Variants in IL1RAPL1 observed in about 807,000 individuals in gnomAD.
The protein encoded by IL1RAPL1 is interleukin-1 receptor accessory protein-like 1.
Under a neutral mutation model 48.4 loss-of-function variants are expected in IL1RAPL1, and 3 were observed. That is an observed-to-expected ratio of 0.06 (90% CI 0.03 to 0.16). The LOEUF (loss-of-function observed/expected upper bound fraction) is 0.16. Ranked by LOEUF, IL1RAPL1 falls within the 10% of genes least tolerant of loss-of-function variation. The pLI, the probability that IL1RAPL1 is intolerant of heterozygous loss-of-function variation, is 1.00. For synonymous variants in IL1RAPL1, 185 were observed against 187.7 expected (o/e 0.99, Z 0.12); for missense variants, 349 against 530.6 (o/e 0.66, Z 3.36).
intron 5 of IL1RAPL1, among the ~76,000 whole-genome samples, chrX:29,610,180 A>T (rs763952585): frequency 3.6e-5 from 4 of 111,814 alleles, no homozygotes; most frequent in Non-Finnish European, 7.5e-5. Context: ...CTTTATATTA[A>T]ATCATATGAC....
At chrX:29,549,928 A>G (rs1279709509) in intron 5 of IL1RAPL1, among the ~76,000 whole-genome samples, 10 of 112,097 alleles carry the variant, frequency 8.9e-5, no homozygotes, top group Admixed American at 2.8e-4. Context: ...AAGAATTATT[A>G]TATACAGAAG....
chrX:29,686,338 G>A (rs1926615520), intron 6 of IL1RAPL1, among the ~76,000 whole-genome samples: 1 of 110,230 alleles, frequency 9.1e-6, no homozygotes, highest in South Asian at 3.9e-4. Context: ...AAATAAAGAA[G>A]TATCATGATA....
intron 5 of IL1RAPL1, among the ~76,000 whole-genome samples, chrX:29,615,533 C>G (rs1203522536): frequency 9.0e-6 from 1 of 110,945 alleles, no homozygotes; most frequent in Non-Finnish European, 1.9e-5. Flanking sequence ...ACCACTGCAG[C>G]AAAGGCTTTC....
At chrX:29,294,215 A>G (rs747665483) in intron 3 of IL1RAPL1, among the ~76,000 whole-genome samples, 1 of 111,108 alleles carries the variant, frequency 9.0e-6, no homozygotes, top group East Asian at 2.8e-4. Flanking sequence ...AGACTACTAC[A>G]AGAAAAATTA....
chrX:28,804,892 A>G (rs1014228316), intron 2 of IL1RAPL1, among the ~76,000 whole-genome samples: 3 of 111,535 alleles, frequency 2.7e-5, no homozygotes, highest in African/African-American at 9.8e-5. Context: ...TATGGATGGA[A>G]TACATCTATA....
intron 3 of IL1RAPL1, among the ~76,000 whole-genome samples, chrX:29,322,265 C>T (rs762188979): frequency 1.2e-4 from 13 of 107,504 alleles, no homozygotes; most frequent in African/African-American, 4.1e-4. Flanking sequence ...CTCTCTCTCT[C>T]TCTTTCTTTC....
intron 6 of IL1RAPL1, among the ~76,000 whole-genome samples, chrX:29,872,993 A>G (rs1458359549): frequency 1.8e-5 from 2 of 112,258 alleles, no homozygotes; most frequent in Non-Finnish European, 3.8e-5. Context: ...AGATAACAAC[A>G]AAGCCCTTTG....
chrX:29,511,668 A>G (rs1254361533), intron 5 of IL1RAPL1, among the ~76,000 whole-genome samples: 2 of 111,718 alleles, frequency 1.8e-5, no homozygotes, highest in Non-Finnish European at 3.8e-5. Flanking sequence ...TCTCCCCATC[A>G]AGTCCTTTTT....
chrX:29,907,127 G>A (rs1022631497), intron 6 of IL1RAPL1, among the ~76,000 whole-genome samples: 1 of 111,217 alleles, frequency 9.0e-6, no homozygotes, highest in Non-Finnish European at 1.9e-5. Context: ...TTATTTTCAA[G>A]TTGAATATCT....
At chrX:29,460,173 T>G (rs940668372) in intron 5 of IL1RAPL1, among the ~76,000 whole-genome samples, 5 of 112,073 alleles carry the variant, frequency 4.5e-5, no homozygotes, top group Non-Finnish European at 9.4e-5. Context: ...TTTTCCTAAG[T>G]CGTTACCTAG....
chrX:29,615,140 A>T (rs142085689), intron 5 of IL1RAPL1, among the ~76,000 whole-genome samples: 2,120 of 111,845 alleles, frequency 0.019, 43 homozygotes, highest in African/African-American at 0.065. Context: ...GATGCAAAAT[A>T]TAGGTGTATA....
intron 2 of IL1RAPL1, among the ~76,000 whole-genome samples, chrX:29,258,996 C>G (rs1458699652): frequency 9.0e-5 from 10 of 111,138 alleles, no homozygotes; most frequent in African/African-American, 3.3e-4. Flanking sequence ...TCTCCCCTCC[C>G]CAACTCTAAC....
Position 29,183,656 on chromosome X carries a change from CCT to C in IL1RAPL1, c.83-99276_83-99275del, listed in dbSNP as rs756789990. 1.2e-4 allele frequency among the ~76,000 whole-genome samples: 13 copies of C among 112,013 alleles called. No homozygotes were observed. The South Asian group carries it at 4.8e-3, about 42-fold the overall frequency. ...CTTTTCCTACTGAATGAGATGCCCTCCTCTCTCCTCTTCACTCCCATTCCCTA... is the reference window on the plus strand; with the variant it reads ...CTTTTCCTACTGAATGAGATGCCCTCCTCTCCTCTTCACTCCCATTCCCTA... On this transcript the variant is annotated intron_variant, in intron 2 of 10. Transcript: ENST00000378993.
At position 28,705,668 on chromosome X, in the gene IL1RAPL1, C is replaced by G. The variant is rs73547869; in HGVS notation, c.-24-83652C>G. Reference sequence around the variant, plus strand: ...AACATGTAAACAACAATACAAACATCCCAATGCATCTCAGAGGGTGGATAT... The same window carrying G: ...AACATGTAAACAACAATACAAACATGCCAATGCATCTCAGAGGGTGGATAT... On this transcript the variant is annotated intron_variant, in intron 1 of 10. Coordinates refer to ENST00000378993, the MANE Select transcript of IL1RAPL1 (RefSeq NM_014271.4). 4.2e-3 allele frequency among the ~76,000 whole-genome samples: 471 copies of G among 111,417 alleles called. 4 individuals carry two copies. Among genetic ancestry groups the G allele is most frequent in the African/African-American group, 0.014 (428 of 30,615 alleles).
intron 6 of IL1RAPL1, among the ~76,000 whole-genome samples, chrX:29,892,240 A>G: frequency 8.9e-6 from 1 of 112,162 alleles, no homozygotes; most frequent in East Asian, 2.8e-4. Context: ...AGCATTTCAT[A>G]GTTCTCTGGC....
At chrX:29,342,899 G>C (rs1243768062) in intron 3 of IL1RAPL1, among the ~76,000 whole-genome samples, 2 of 112,036 alleles carry the variant, frequency 1.8e-5, no homozygotes, top group African/African-American at 6.5e-5. Flanking sequence ...AGGGACCATT[G>C]CTAGGTCACA....
intron 1 of IL1RAPL1, among the ~76,000 whole-genome samples, chrX:28,742,338 G>A (rs1158957809): frequency 1.8e-5 from 2 of 111,477 alleles, no homozygotes; most frequent in Admixed American, 9.6e-5. Flanking sequence ...GGCAAATAAG[G>A]AGACAATATA....
At chrX:29,546,219 G>A (rs1041463756) in intron 5 of IL1RAPL1, among the ~76,000 whole-genome samples, 2 of 111,680 alleles carry the variant, frequency 1.8e-5, no homozygotes, top group Non-Finnish European at 3.8e-5. Flanking sequence ...GGTATTCATT[G>A]CTTGACCAAC....
chrX:29,476,206 G>A (rs1159831616), intron 5 of IL1RAPL1, among the ~76,000 whole-genome samples: 4 of 111,717 alleles, frequency 3.6e-5, no homozygotes, highest in Non-Finnish European at 7.5e-5. Context: ...ATGATTTCAT[G>A]TTATTAGGCT....
Sources: gnomAD v4.1 joint callset for allele counts (sites outside exome capture counted in the v4.1 genomes callset) on GRCh38, gnomAD v4.1.1 for gene constraint, MANE v1.5 for transcripts, NCBI Gene and HGNC (gene_info 2026-07-23, HGNC 2026-07-21) for gene names.